PARP9: variants seen among roughly 807,000 people sequenced by gnomAD.
PARP9 encodes protein mono-ADP-ribosyltransferase PARP9.
Under a neutral mutation model 68.8 loss-of-function variants are expected in PARP9, and 48 were observed. The observed-to-expected ratio is 0.70, with a 90% CI of 0.55 to 0.89. The LOEUF is 0.89. Ranked by LOEUF, PARP9 falls within the 40% of genes least tolerant of loss-of-function variation. The probability of loss-of-function intolerance (pLI) is 0.00; values close to 1 mark genes in which losing one functional copy is unlikely to be tolerated. For synonymous variants in PARP9, 309 were observed against 333.8 expected (o/e 0.93, Z 0.81); for missense variants, 806 against 969.3 (o/e 0.83, Z 2.24).
Position 122,556,138 on chromosome 3 carries a change from GATTAAAAAAA to G in PARP9, c.50-27_50-18del. On this transcript the variant is annotated intron_variant, in intron 3 of 10. Transcript: ENST00000682323. Reference sequence around the variant, plus strand: ...CACCAGTCTCTGGAAAAGAAGAGAAGATTAAAAAAAAAAAAAAAAAAAAAAAAAAAAAAAA... The same window carrying G: ...CACCAGTCTCTGGAAAAGAAGAGAAGAAAAAAAAAAAAAAAAAAAAAAAAA... 1.2e-5 allele frequency: 1 copy of G among 80,032 alleles called. No homozygotes were observed. Among genetic ancestry groups the G allele is most frequent in the South Asian group, 3.7e-4 (1 of 2,692 alleles). 5.0% of individuals were successfully genotyped at this position (80,032 alleles called of 1,614,324 possible).
Position 122,540,686 on chromosome 3 carries a change from C to G in PARP9, c.1551G>C (p.Leu517=). The change falls in exon 8 of 11, where the codon CTG becomes CTC. Residue 517 remains leucine (L), a synonymous_variant. Coordinates refer to ENST00000682323, the MANE Select transcript of PARP9 (RefSeq NM_001146105.2). ...TGTCATGTTCCTTTCTCCCAAGGTA[C>G]AGAATATGATTATTCTCAATGATGT... The part of the protein sequence containing the change: ...NHHIIENNHI[L]YLGRKEHDIL... 2 of 1,614,136 alleles carry G rather than the reference C, an allele frequency of 1.2e-6. No individual in the cohort carries two copies. Among genetic ancestry groups the G allele is most frequent in the Non-Finnish European group, 1.7e-6 (2 of 1,180,026 alleles).
chr3:122,551,240 A>G (rs1380705140), intron 5 of PARP9, among the ~76,000 whole-genome samples: 1 of 152,214 alleles, frequency 6.6e-6, no homozygotes, highest in Non-Finnish European at 1.5e-5. Context: ...TCTTGGAGAA[A>G]TGCTAATATT....
chr3:122,550,071 TTTTTG>T (rs781444727), intron 6 of PARP9, among the ~76,000 whole-genome samples: 1 of 152,110 alleles, frequency 6.6e-6, no homozygotes, highest in African/African-American at 2.4e-5. Context: ...GCTTCTTTGT[TTTTTG>T]TTTTGTTTTG....
At chr3:122,539,507 A>ATTTTTCTTTCTTTC (rs1553714535) in intron 8 of PARP9, among the ~76,000 whole-genome samples, 1 of 133,162 alleles carries the variant, frequency 7.5e-6, no homozygotes, top group Admixed American at 7.9e-5. Context: ...CCAAGATGGC[A>ATTTTTCTTTCTTTC]TTTCTTTCTT....
At chr3:122,557,154 T>C (rs983383509) in intron 3 of PARP9, among the ~76,000 whole-genome samples, 1 of 151,950 alleles carries the variant, frequency 6.6e-6, no homozygotes, top group Non-Finnish European at 1.5e-5. Flanking sequence ...TGGCATTTTT[T>C]CCCCTTTCTC....
chr3:122,556,985 C>T (rs1046291898), intron 3 of PARP9, among the ~76,000 whole-genome samples: 1 of 152,132 alleles, frequency 6.6e-6, no homozygotes, highest in African/African-American at 2.4e-5. Context: ...CCCACACCAT[C>T]GTGTCCAGCT....
Position 122,529,750 on chromosome 3 carries a change from T to TC in PARP9, c.2081-1008dup, listed in dbSNP as rs201314647. On this transcript the variant is annotated intron_variant, in intron 10 of 10. Transcript: ENST00000682323. Reference sequence around the variant, plus strand: ...GCCTGGGCAACACAGCGAGACTCCGTCCCAAAAAAAAAAAAAAAAAAGAAC... The same window carrying TC: ...GCCTGGGCAACACAGCGAGACTCCGTCCCCAAAAAAAAAAAAAAAAAAGAAC... Among the ~76,000 whole-genome samples, 32 of 108,360 alleles carry TC rather than the reference T, an allele frequency of 3.0e-4. 1 individual carries two copies. Among genetic ancestry groups the TC allele is most frequent in the Admixed American group, 7.4e-4 (7 of 9,414 alleles). 71.1% of individuals were successfully genotyped at this position (108,360 alleles called of 152,430 possible). A position where few individuals can be genotyped will look rare whatever the true frequency, so the allele number is the denominator to read the frequency against.
intron 6 of PARP9, among the ~76,000 whole-genome samples, chr3:122,546,989 T>C (rs1174715572): frequency 5.3e-5 from 4 of 75,794 alleles, no homozygotes; most frequent in African/African-American, 1.0e-4. Flanking sequence ...TATATATATA[T>C]ATATATATAT....
upstream of PARP9, chr3:122,564,468 G>C (rs752135864): frequency 3.1e-6 from 5 of 1,612,570 alleles, no homozygotes; most frequent in Non-Finnish European, 4.2e-6. Context: ...TCCTCGTGCG[G>C]GTGTACAAGT....
chr3:122,533,328 T>C (rs1043642984), intron 10 of PARP9: 5 of 152,064 alleles, frequency 3.3e-5, no homozygotes, highest in African/African-American at 1.2e-4. Flanking sequence ...TTAGGGAAAA[T>C]CATGACCAAG....
intron 8 of PARP9, among the ~76,000 whole-genome samples, chr3:122,539,536 TTTC>T (rs1383461903): frequency 1.1e-4 from 4 of 35,418 alleles, no homozygotes; most frequent in African/African-American, 2.4e-4. Flanking sequence ...TCTTTCTTTC[TTTC>T]TTTCTTTCTT....
chr3:122,564,135 G>T (rs2080478326), intron 1 of PARP9, 110 bp downstream of exon 1: 1 of 460,056 alleles, frequency 2.2e-6, no homozygotes, highest in East Asian at 4.0e-5. Flanking sequence ...CTACTCACAA[G>T]GGAGGCCTGG....
At chr3:122,536,773 G>T in intron 9 of PARP9, 161 bp downstream of exon 9, 2 of 782,306 alleles carry the variant, frequency 2.6e-6, no homozygotes, top group South Asian at 2.0e-5. Flanking sequence ...TATATCCCTC[G>T]TGCCTGCCCT....
At chr3:122,557,563 C>T (rs2079807000) in intron 3 of PARP9, among the ~76,000 whole-genome samples, 1 of 152,210 alleles carries the variant, frequency 6.6e-6, no homozygotes, top group Non-Finnish European at 1.5e-5. Flanking sequence ...TCATGCTATT[C>T]TCAGGGCAGC....
chr3:122,557,860 T>C (rs188154270), intron 3 of PARP9, among the ~76,000 whole-genome samples: 26 of 152,272 alleles, frequency 1.7e-4, no homozygotes, highest in Non-Finnish European at 3.1e-4. Flanking sequence ...AACTGGGGCA[T>C]ACCATCAATT....
chr3:122,549,893 A>C (rs2079059182), intron 6 of PARP9, among the ~76,000 whole-genome samples: 1 of 152,176 alleles, frequency 6.6e-6, no homozygotes, highest in South Asian at 2.1e-4. Context: ...GGCTAAGAAG[A>C]CAGGACTTCA....
intron 10 of PARP9, chr3:122,534,954 T>C (rs2077539807): frequency 8.1e-6 from 8 of 981,972 alleles, no homozygotes; most frequent in African/African-American, 1.7e-5. Flanking sequence ...CTTGGGACCA[T>C]ATTCCTTGGG....
intron 1 of PARP9, among the ~76,000 whole-genome samples, chr3:122,562,185 TTTCTTTTC>T (rs1322610667): frequency 8.0e-6 from 1 of 125,438 alleles, no homozygotes; most frequent in Non-Finnish European, 1.9e-5. Context: ...TTTCTTTTCT[TTTCTTTTC>T]TTTTCTTTTC....
chr3:122,551,374 C>T (rs1174824790), intron 5 of PARP9, among the ~76,000 whole-genome samples: 3 of 152,148 alleles, frequency 2.0e-5, no homozygotes, highest in Admixed American at 1.3e-4. Flanking sequence ...GATTAGAGAG[C>T]TCTCAAGAAG....
Sources: gnomAD v4.1 joint callset for allele counts (sites outside exome capture counted in the v4.1 genomes callset) on GRCh38, gnomAD v4.1.1 for gene constraint, MANE v1.5 for transcripts, NCBI Gene and HGNC (gene_info 2026-07-23, HGNC 2026-07-21) for gene names.